The following TOR1AIP2 variants were observed in gnomAD, a reference collection of about 807,000 sequenced individuals.
TOR1AIP2 encodes torsin 1A interacting protein 2.
In TOR1AIP2, 20 loss-of-function variants were observed where a neutral mutation model predicts 32.6. That is an observed-to-expected ratio of 0.61 (90% confidence interval 0.43 to 0.89). The LOEUF (loss-of-function observed/expected upper bound fraction) is 0.89. Ranked by LOEUF, TOR1AIP2 falls within the 40% of genes least tolerant of loss-of-function variation. The probability of loss-of-function intolerance (pLI) is 0.00; values close to 1 mark genes in which losing one functional copy is unlikely to be tolerated. For synonymous variants in TOR1AIP2, 214 were observed against 210.8 expected, an observed-to-expected ratio of 1.02 and a Z score of -0.13; for missense variants, 456 against 553.8, an observed-to-expected ratio of 0.82 and a Z score of 1.77.
chr1:179,859,610 T>C (rs1318784353), intron 3 of TOR1AIP2: 1 of 985,314 alleles, frequency 1.0e-6, no homozygotes, highest in Non-Finnish European at 1.2e-6. Flanking sequence ...TTTATTTCAG[T>C]GTTGTGGAAA....
chr1:179,862,485 C>T, intron 3 of TOR1AIP2: 2 of 985,384 alleles, frequency 2.0e-6, no homozygotes, highest in Non-Finnish European at 2.4e-6. Flanking sequence ...CAGGAGAGAA[C>T]CTCCATTGTA....
chr1:179,863,291 T>C, intron 3 of TOR1AIP2: 1 of 974,434 alleles, frequency 1.0e-6, no homozygotes. Flanking sequence ...ACCCAGGCAA[T>C]GCTAACCCTA....
chr1:179,858,981 T>G, intron 3 of TOR1AIP2: 1 of 955,708 alleles, frequency 1.0e-6, no homozygotes, highest in Non-Finnish European at 1.2e-6. Context: ...CATTCCAGGA[T>G]GGTAGTTTAG....
chr1:179,850,995 T>C lies in TOR1AIP2; in HGVS notation c.403A>G (p.Ser135Gly). 3 of 1,614,212 alleles carry C rather than the reference T, an allele frequency of 1.9e-6. No homozygotes were observed. The highest frequency in any genetic ancestry group is 8.5e-7 in the Non-Finnish European group (1 of 1,180,014). Residue 135 changes from serine (S) to glycine (G), a missense_variant, in exon 5 of 7, where the codon AGC becomes GGC. By Grantham distance (56) the Ser-to-Gly change is moderately conservative. Coordinates refer to ENST00000609928, the MANE Select transcript of TOR1AIP2 (RefSeq NM_001199260.2). ...VGRADAHLGSSSVALPKEASD... is the reference protein window; with the variant it reads ...VGRADAHLGSGSVALPKEASD... ...GCTTCCTTAGGGAGGGCCACAGAGC[T>C]GCTCCCTAAGTGTGCATCTGCTCTT...
At chr1:179,848,082 T>G (rs1276730975) in intron 5 of TOR1AIP2, among the ~76,000 whole-genome samples, 1 of 152,132 alleles carries the variant, frequency 6.6e-6, no homozygotes, top group African/African-American at 2.4e-5. Context: ...TGTCTTTTCT[T>G]TAAGACTATT....
intron 2 of TOR1AIP2, chr1:179,868,822 G>A (rs1399320916): frequency 1.3e-5 from 2 of 152,098 alleles, no homozygotes; most frequent in Admixed American, 6.6e-5. Context: ...AGTTTCAAAA[G>A]GATATAAAAT....
chr1:179,866,954 T>C (rs1375212178), intron 2 of TOR1AIP2, among the ~76,000 whole-genome samples: 1 of 152,160 alleles, frequency 6.6e-6, no homozygotes, highest in Non-Finnish European at 1.5e-5. Context: ...GAATACTATA[T>C]ATACCATGCC....
intron 3 of TOR1AIP2, among the ~76,000 whole-genome samples, chr1:179,854,935 C>T (rs565480098): frequency 6.6e-6 from 1 of 152,082 alleles, no homozygotes; most frequent in South Asian, 2.1e-4. Flanking sequence ...CACGAATAGA[C>T]AAACAGTATA....
chr1:179,863,979 G>T, intron 3 of TOR1AIP2: 1 of 985,366 alleles, frequency 1.0e-6, no homozygotes, highest in Non-Finnish European at 1.2e-6. Flanking sequence ...ATGAAGTCAG[G>T]CTTGATAATT....
intron 3 of TOR1AIP2, among the ~76,000 whole-genome samples, chr1:179,853,647 T>C (rs1356758796): frequency 2.0e-5 from 3 of 152,230 alleles, no homozygotes; most frequent in South Asian, 2.1e-4. Context: ...GCTGGAAGGC[T>C]AGCCAACTGG....
Position 179,846,755 on chromosome 1 carries a change from G to C in TOR1AIP2, c.729C>G (p.Ala243=). Residue 243 remains alanine, a synonymous_variant, in exon 7 of 7, where the codon GCC becomes GCG. Transcript: ENST00000609928. The stretch of plus-strand genomic sequence containing the variant: ...AAGCTGGATTTTTGGGCACTTGCTG[G>C]GCTGGAGAGGAATAGTAGCTATTCA... ...SSVNSYYSSP[A]QQVPKNPALE... is the part of the protein sequence containing the mutation. 6.2e-7 allele frequency: 1 copy of C among 1,613,792 alleles called. No homozygotes were observed. Among genetic ancestry groups the C allele is most frequent in the South Asian group, 1.1e-5 (1 of 91,084 alleles).
intron 2 of TOR1AIP2, among the ~76,000 whole-genome samples, chr1:179,870,321 C>T (rs1022591469): frequency 1.3e-5 from 2 of 152,070 alleles, no homozygotes; most frequent in Admixed American, 1.3e-4. Context: ...ATGGCGTGAA[C>T]CCAGGAGGCG....
chr1:179,860,336 G>T (rs1696471889), intron 3 of TOR1AIP2: 1 of 739,686 alleles, frequency 1.4e-6, no homozygotes, highest in Non-Finnish European at 1.6e-6. Flanking sequence ...AAAAAAATTA[G>T]CTGGGCATGG....
At chr1:179,865,255 T>C in intron 3 of TOR1AIP2, 181 bp downstream of exon 3, 1 of 1,488,906 alleles carries the variant, frequency 6.7e-7, no homozygotes, top group Non-Finnish European at 9.0e-7. Flanking sequence ...CAAACACCAG[T>C]CCTATTACAG....
intron 3 of TOR1AIP2, chr1:179,860,502 G>A: frequency 2.0e-6 from 2 of 985,382 alleles, no homozygotes; most frequent in South Asian, 4.7e-5. Context: ...AACAAAACAA[G>A]TAAGACTCTA....
At chr1:179,862,302 T>G in intron 3 of TOR1AIP2, 1 of 982,254 alleles carries the variant, frequency 1.0e-6, no homozygotes, top group Non-Finnish European at 1.2e-6. Flanking sequence ...AATTAAAAAA[T>G]TTAGGGGCAA....
Position 179,846,057 on chromosome 1 carries a change from C to T in TOR1AIP2, c.*14G>A, listed in dbSNP as rs777218204. Reference sequence around the variant, plus strand: ...ATAAACATATACCTTCTGTAACCAACTCTGTGCTTAGCTTTAGAAAAGGCA... The same window carrying T: ...ATAAACATATACCTTCTGTAACCAATTCTGTGCTTAGCTTTAGAAAAGGCA... On this transcript the variant is annotated 3_prime_UTR_variant, in exon 7 of 7. Transcript: ENST00000609928. 1 of 1,607,564 alleles carries T rather than the reference C, an allele frequency of 6.2e-7. No homozygotes were observed. The highest frequency in any genetic ancestry group is 8.5e-7 in the Non-Finnish European group (1 of 1,175,752).
In TOR1AIP2 at chr1:179,842,635, G is replaced by A. The variant is rs1402715301; in HGVS notation, c.*3436C>T. The A allele has an allele frequency of 6.6e-6, 1 of 152,076 alleles. No individual in the cohort carries two copies. Among genetic ancestry groups the A allele is most frequent in the Non-Finnish European group, 1.5e-5 (1 of 68,018 alleles). The allele number at this position is 152,076 out of a possible 1,614,324, so 9.4% of individuals were successfully genotyped here. A position where few individuals can be genotyped will look rare whatever the true frequency, so the allele number is the denominator to read the frequency against. ...AAGAGTAACTAAATGGCAACGTTTA[G>A]GTACCACATACAATATTGTATGCCC... On this transcript the variant is annotated 3_prime_UTR_variant, in exon 7 of 7. Transcript: ENST00000609928.
chr1:179,850,275 C>T lies in TOR1AIP2; in HGVS notation c.553+570G>A, dbSNP rs1696064816. ...TCCAGTTCCAGTTAAGGATTTAGCACACTGCAACGCTTAGCTTCATAAGGG... is the reference window on the plus strand; with the variant it reads ...TCCAGTTCCAGTTAAGGATTTAGCATACTGCAACGCTTAGCTTCATAAGGG... On this transcript the variant is annotated intron_variant, in intron 5 of 6. Transcript: ENST00000609928. Among the ~76,000 whole-genome samples the T allele has an allele frequency of 2.0e-5, 3 of 152,196 alleles. No homozygotes were observed. The South Asian group carries it at 6.2e-4, about 31-fold the overall frequency.
Sources: gnomAD v4.1 joint callset for allele counts (sites outside exome capture counted in the v4.1 genomes callset) on GRCh38, gnomAD v4.1.1 for gene constraint, MANE v1.5 for transcripts, NCBI Gene and HGNC (gene_info 2026-07-23, HGNC 2026-07-21) for gene names.